Variants in BTBD2 observed in about 807,000 individuals in gnomAD.
BTBD2 encodes BTB domain containing 2, also known as BTB/POZ domain-containing protein 2.
In BTBD2, 15 loss-of-function variants were observed where a neutral mutation model predicts 44.0. That is an observed-to-expected ratio of 0.34 (90% confidence interval 0.23 to 0.53). BTBD2 has a LOEUF of 0.53. Among genes scored for constraint, BTBD2 ranks in the 20% least tolerant of loss-of-function variants. BTBD2 has a pLI of 0.95. For synonymous variants in BTBD2, 443 were observed against 335.9 expected (o/e 1.32, Z -3.49); for missense variants, 657 against 746.4 (o/e 0.88, Z 1.39).
intron 1 of BTBD2, among the ~76,000 whole-genome samples, chr19:2,008,589 C>CCTTTTTTT (rs1204551829): frequency 7.9e-6 from 1 of 126,596 alleles, no homozygotes; most frequent in African/African-American, 3.1e-5. Context: ...CTGTGCCCAG[C>CCTTTTTTT]TTTTTTTTTT....
At chr19:1,987,877 G>A (rs1258827307) in intron 5 of BTBD2, 185 bp from the exon 6 acceptor site, 1 of 615,884 alleles carries the variant, frequency 1.6e-6, no homozygotes, top group Non-Finnish European at 2.8e-6. Flanking sequence ...TTTAGGGAGA[G>A]GTCCCAGGGC....
In BTBD2 at chr19:1,998,982, G is replaced by A. The variant is rs1023793094; in HGVS notation, c.408-1519C>T. On this transcript the variant is annotated intron_variant, in intron 1 of 8. Coordinates refer to ENST00000255608, the MANE Select transcript of BTBD2 (RefSeq NM_017797.4). ...TCAACAGCCTCCCCACGCCCGGAAA[G>A]CTCCGGAGCTACAGGTGGTTCCGCA... Among the ~76,000 whole-genome samples, 3 of 152,258 alleles carry A rather than the reference G, an allele frequency of 2.0e-5. No homozygotes were observed. In the South Asian group the frequency reaches 6.2e-4, roughly 32 times the overall value.
chr19:2,003,698 G>A (rs1331781207), intron 1 of BTBD2: 2 of 151,738 alleles, frequency 1.3e-5, no homozygotes, highest in Non-Finnish European at 2.9e-5. Flanking sequence ...TTGAACCCGG[G>A]AGGCGGAGGT....
rs1443996872 is a variant in BTBD2 at position 1,990,154 on chromosome 19, C to G, written c.838G>C (p.Val280Leu). The change falls in exon 5 of 9, where the codon GTG (valine) becomes CTG (leucine). Residue 280 changes from valine to leucine, a missense_variant. By Grantham distance (32) the Val-to-Leu change is conservative. Coordinates refer to ENST00000255608, the MANE Select transcript of BTBD2 (RefSeq NM_017797.4). Reference sequence around the variant, plus strand: ...CGGACAACGGCATTGAACAGCCGCACCTCACGGATGCCCAGTGTGTCGCGC... The same window carrying G: ...CGGACAACGGCATTGAACAGCCGCAGCTCACGGATGCCCAGTGTGTCGCGC... ...LERDTLGIRE[V>L]RLFNAVVRWS... 6.2e-7 allele frequency: 1 copy of G among 1,610,904 alleles called. No individual in the cohort carries two copies. Among genetic ancestry groups the G allele is most frequent in the Non-Finnish European group, 8.5e-7 (1 of 1,179,178 alleles).
At chr19:2,009,398 C>G (rs1426450780) in intron 1 of BTBD2, among the ~76,000 whole-genome samples, 1 of 151,688 alleles carries the variant, frequency 6.6e-6, no homozygotes, top group Non-Finnish European at 1.5e-5. Flanking sequence ...CGGGGTTTCA[C>G]CATGTTGTCC....
chr19:2,010,408 C>G (rs919551143), intron 1 of BTBD2, among the ~76,000 whole-genome samples: 1 of 152,146 alleles, frequency 6.6e-6, no homozygotes, highest in Non-Finnish European at 1.5e-5. Context: ...CTGGCCTCCT[C>G]CCCAGCACAA....
chr19:1,998,402 T>C lies in BTBD2; in HGVS notation c.408-939A>G, dbSNP rs559154219. ...GCCGCCACGTCCATGGGGAAGGGCA[T>C]GGAGGCCCAGGAACAGCAGGAGCGT... On this transcript the variant is annotated intron_variant, in intron 1 of 8. Coordinates refer to ENST00000255608, the MANE Select transcript of BTBD2 (RefSeq NM_017797.4). 2.6e-5 allele frequency among the ~76,000 whole-genome samples: 4 copies of C among 152,298 alleles called. No individual in the cohort carries two copies. The East Asian group carries it at 5.8e-4, about 22-fold the overall frequency.
chr19:2,001,952 G>T (rs893398441), intron 1 of BTBD2, among the ~76,000 whole-genome samples: 1 of 152,078 alleles, frequency 6.6e-6, no homozygotes, highest in African/African-American at 2.4e-5. Flanking sequence ...TGTTGGCCAG[G>T]GTGGCCTCGA....
intron 1 of BTBD2, among the ~76,000 whole-genome samples, chr19:2,001,513 T>TA (rs1049153526): frequency 6.6e-6 from 1 of 152,052 alleles, no homozygotes; most frequent in South Asian, 2.1e-4. Flanking sequence ...GAAAACAGGT[T>TA]AAAGACCGAA....
At chr19:1,991,498 G>A (rs980388408) in intron 3 of BTBD2, among the ~76,000 whole-genome samples, 5 of 152,152 alleles carry the variant, frequency 3.3e-5, no homozygotes, top group South Asian at 2.1e-4. Context: ...GATGAAGCCC[G>A]GGGAGTGAGC....
At chr19:2,002,375 A>G (rs1043968344) in intron 1 of BTBD2, among the ~76,000 whole-genome samples, 2 of 151,780 alleles carry the variant, frequency 1.3e-5, no homozygotes, top group Non-Finnish European at 2.9e-5. Flanking sequence ...TGATAACTGT[A>G]TTTCTCGAAG....
chr19:2,009,231 G>C (rs2016433013), intron 1 of BTBD2, among the ~76,000 whole-genome samples: 1 of 147,806 alleles, frequency 6.8e-6, no homozygotes, highest in Admixed American at 6.7e-5. Flanking sequence ...CGGAGTCTCA[G>C]TCTGTCACCC....
chr19:2,000,076 A>G (rs1488135835), intron 1 of BTBD2, among the ~76,000 whole-genome samples: 4 of 152,248 alleles, frequency 2.6e-5, no homozygotes, highest in South Asian at 2.1e-4. Flanking sequence ...AGTCCCCAGA[A>G]GCTGGGTGGG....
chr19:1,991,576 C>T (rs1367641491), intron 3 of BTBD2, among the ~76,000 whole-genome samples: 3 of 152,240 alleles, frequency 2.0e-5, no homozygotes, highest in Non-Finnish European at 4.4e-5. Flanking sequence ...GACAAGAAAC[C>T]CCTCCCTGTG....
At position 2,013,656 on chromosome 19, in the gene BTBD2, G is replaced by A. The variant is rs535164501; in HGVS notation, c.407+1641C>T. ...GGGTCTCTGGCTGAGGTGGGGGTCC[G>A]GGGCTGGAGGGGCTGTGGATGGTAG... On this transcript the variant is annotated intron_variant, in intron 1 of 8. Coordinates refer to ENST00000255608, the MANE Select transcript of BTBD2 (RefSeq NM_017797.4). The A allele has an allele frequency of 6.7e-5, 66 of 986,504 alleles. No homozygotes were observed. In the East Asian group the frequency reaches 1.1e-3, roughly 17 times the overall value. 61.1% of individuals were successfully genotyped at this position (986,504 alleles called of 1,614,324 possible).
intron 1 of BTBD2, among the ~76,000 whole-genome samples, chr19:2,012,397 G>T (rs557847551): frequency 6.6e-6 from 1 of 152,006 alleles, no homozygotes; most frequent in Non-Finnish European, 1.5e-5. Context: ...TGATCTGCCC[G>T]CCTCGGCCTC....
intron 3 of BTBD2, 191 bp from the exon 4 acceptor site, chr19:1,991,013 C>T: frequency 1.8e-6 from 1 of 571,264 alleles, no homozygotes; most frequent in Non-Finnish European, 3.1e-6. Context: ...TGACCGCTGA[C>T]TGGGGCGGGA....
At chr19:1,997,319 A>G (rs773347928) in intron 2 of BTBD2, 25 bp downstream of exon 2, 2 of 1,613,678 alleles carry the variant, frequency 1.2e-6, no homozygotes, top group South Asian at 2.2e-5. Flanking sequence ...CCAGCTCCCC[A>G]GCAGGAAGCA....
intron 1 of BTBD2, among the ~76,000 whole-genome samples, chr19:2,007,719 G>T (rs980856733): frequency 6.6e-6 from 1 of 152,092 alleles, no homozygotes; most frequent in Non-Finnish European, 1.5e-5. Context: ...CCAGCCACTC[G>T]GGAGGCTGAG....
Sources: allele counts gnomAD v4.1 joint callset (sites outside exome capture counted in the v4.1 genomes callset), GRCh38; gene constraint gnomAD v4.1.1; transcripts MANE v1.5; gene names NCBI Gene and HGNC (gene_info 2026-07-23, HGNC 2026-07-21).